The following FMNL2 variants were observed in gnomAD, a reference collection of about 807,000 sequenced individuals.
FMNL2 encodes formin-like protein 2.
In FMNL2, 51 loss-of-function variants were observed where a neutral mutation model predicts 130.2. The ratio of observed to expected loss-of-function variants is 0.39; its 90% CI spans 0.31 to 0.49. FMNL2 has a LOEUF of 0.49. Among genes scored for constraint, FMNL2 ranks in the 20% least tolerant of loss-of-function variants. The pLI, the probability that FMNL2 is intolerant of heterozygous loss-of-function variation, is 0.85. For synonymous variants in FMNL2, 465 were observed against 467.1 expected (o/e 1.00, Z 0.06); for missense variants, 977 against 1,316.2 (o/e 0.74, Z 3.99).
chr2:152,382,709 G>A (rs1482594487), intron 1 of FMNL2, among the ~76,000 whole-genome samples: 4 of 151,862 alleles, frequency 2.6e-5, no homozygotes, highest in Non-Finnish European at 5.9e-5. Flanking sequence ...GCTTGATTGT[G>A]GTAATCATTT....
At chr2:152,594,803 G>A (rs996784409) in intron 9 of FMNL2, among the ~76,000 whole-genome samples, 3 of 152,134 alleles carry the variant, frequency 2.0e-5, no homozygotes, top group African/African-American at 7.2e-5. Flanking sequence ...CTACTGCCCA[G>A]CTCTTTAATT....
chr2:152,363,578 C>T (rs373147755), intron 1 of FMNL2, among the ~76,000 whole-genome samples: 2 of 151,614 alleles, frequency 1.3e-5, no homozygotes, highest in South Asian at 4.2e-4. Flanking sequence ...TTTTTCCCCC[C>T]CAAGACAGAG....
chr2:152,568,374 C>G (rs1472021051), intron 6 of FMNL2, among the ~76,000 whole-genome samples: 2 of 152,054 alleles, frequency 1.3e-5, no homozygotes, highest in Non-Finnish European at 2.9e-5. Flanking sequence ...CACCACCACA[C>G]CCAGCTAATT....
chr2:152,611,219 A>T (rs542141175), intron 10 of FMNL2, among the ~76,000 whole-genome samples: 1 of 152,064 alleles, frequency 6.6e-6, no homozygotes, highest in East Asian at 1.9e-4. Context: ...CCTGCCTGTA[A>T]TCCCAGCTAC....
chr2:152,501,962 G>A (rs1159961264), intron 1 of FMNL2, among the ~76,000 whole-genome samples: 1 of 152,214 alleles, frequency 6.6e-6, no homozygotes, highest in East Asian at 1.9e-4. Flanking sequence ...GTATGGAAAG[G>A]AACCTAGTTT....
chr2:152,347,258 C>A (rs1682180593), intron 1 of FMNL2, among the ~76,000 whole-genome samples: 1 of 151,796 alleles, frequency 6.6e-6, no homozygotes, highest in Non-Finnish European at 1.5e-5. Context: ...AGCGGTCACA[C>A]TTCATGTGGA....
intron 2 of FMNL2, among the ~76,000 whole-genome samples, chr2:152,534,216 T>G (rs1693862214): frequency 1.3e-5 from 2 of 152,226 alleles, no homozygotes; most frequent in Non-Finnish European, 2.9e-5. Flanking sequence ...TTTGCATGTA[T>G]CAGACCCTTC....
chr2:152,400,155 G>A (rs900068489), intron 1 of FMNL2, among the ~76,000 whole-genome samples: 1 of 152,204 alleles, frequency 6.6e-6, no homozygotes, highest in African/African-American at 2.4e-5. Flanking sequence ...AGAATGGGCC[G>A]GGCGCAGTGG....
intron 1 of FMNL2, among the ~76,000 whole-genome samples, chr2:152,515,964 T>C (rs1473901903): frequency 6.6e-6 from 1 of 152,196 alleles, no homozygotes; most frequent in Non-Finnish European, 1.5e-5. Flanking sequence ...AGATCACCCG[T>C]AATTAGTAGA....
intron 1 of FMNL2, among the ~76,000 whole-genome samples, chr2:152,352,633 A>T (rs1487998032): frequency 6.6e-6 from 1 of 152,192 alleles, no homozygotes; most frequent in African/African-American, 2.4e-5. Context: ...CAGAAAAATT[A>T]CAGATAAAAT....
At chr2:152,346,099 A>G (rs1223238568) in intron 1 of FMNL2, among the ~76,000 whole-genome samples, 1 of 151,974 alleles carries the variant, frequency 6.6e-6, no homozygotes, top group Non-Finnish European at 1.5e-5. Context: ...ATCTTGGCTC[A>G]CTGCAACCTC....
At chr2:152,569,223 T>C (rs987670442) in intron 6 of FMNL2, among the ~76,000 whole-genome samples, 3 of 151,868 alleles carry the variant, frequency 2.0e-5, no homozygotes, top group African/African-American at 7.3e-5. Flanking sequence ...TGAACATGTA[T>C]CTGGCAAGAG....
At chr2:152,589,434 A>T (rs950810898) in intron 9 of FMNL2, among the ~76,000 whole-genome samples, 2 of 152,224 alleles carry the variant, frequency 1.3e-5, no homozygotes, top group African/African-American at 4.8e-5. Context: ...AAAAGTTGGC[A>T]TATGTGCCCT....
intron 1 of FMNL2, among the ~76,000 whole-genome samples, chr2:152,446,295 T>G (rs1270133943): frequency 6.6e-6 from 1 of 152,198 alleles, no homozygotes. Flanking sequence ...TTTTTTAGAA[T>G]AACAGAGCAC....
intron 1 of FMNL2, among the ~76,000 whole-genome samples, chr2:152,450,939 C>T (rs926427145): frequency 3.3e-5 from 5 of 152,204 alleles, no homozygotes; most frequent in Non-Finnish European, 7.3e-5. Flanking sequence ...TGTGGCAGGT[C>T]GCTGGGTCTC....
chr2:152,639,020 C>T (rs937755224), intron 23 of FMNL2, among the ~76,000 whole-genome samples: 23 of 149,750 alleles, frequency 1.5e-4, no homozygotes, highest in Non-Finnish European at 5.9e-5. Flanking sequence ...CCAGCCTGTC[C>T]ATCAGCGTGC....
intron 6 of FMNL2, among the ~76,000 whole-genome samples, chr2:152,566,715 T>C (rs1695859823): frequency 6.6e-6 from 1 of 152,208 alleles, no homozygotes; most frequent in South Asian, 2.1e-4. Flanking sequence ...TATATGTTTG[T>C]GTGTACACAT....
intron 9 of FMNL2, among the ~76,000 whole-genome samples, chr2:152,589,314 CA>C (rs1335947275): frequency 7.9e-6 from 1 of 127,130 alleles, no homozygotes; most frequent in Non-Finnish European, 1.8e-5. Context: ...CTTAAAAAAA[CA>C]AACAAAAAAA....
In FMNL2 at chr2:152,357,080, C is replaced by T. The variant is rs1279546783; in HGVS notation, c.117+21360C>T. On this transcript the variant is annotated intron_variant, in intron 1 of 25. Transcript: ENST00000288670. ...AATATTACATAAGTTTAATATATCA[C>T]GATAAATATTACATAAGTTTAATGT... is the stretch of plus-strand genomic sequence containing the variant. Among the ~76,000 whole-genome samples the T allele has an allele frequency of 8.0e-3, 824 of 102,598 alleles. 12 individuals carry two copies. The highest frequency in any genetic ancestry group is 0.034 in the African/African-American group (768 of 22,366). 67.3% of individuals were successfully genotyped at this position (102,598 alleles called of 152,430 possible). A position where few individuals can be genotyped will look rare whatever the true frequency, so the allele number is the denominator to read the frequency against.
Sources: gnomAD v4.1 joint callset for allele counts (sites outside exome capture counted in the v4.1 genomes callset) on GRCh38, gnomAD v4.1.1 for gene constraint, MANE v1.5 for transcripts, NCBI Gene and HGNC (gene_info 2026-07-23, HGNC 2026-07-21) for gene names.